Variants in ZNG1F observed in about 807,000 individuals in gnomAD.
ZNG1F encodes Zn regulated GTPase metalloprotein activator 1F.
the ZNG1F span, chr9:41,131,980 A>T: frequency 1.8e-6 from 1 of 562,406 alleles, no homozygotes; most frequent in African/African-American, 2.0e-5. Flanking sequence ...TTCCATCTTT[A>T]ACTTTCCAGG....
At chr9:41,150,437 G>A in the ZNG1F span, among the ~76,000 whole-genome samples, 2 of 133,394 alleles carry the variant, frequency 1.5e-5, no homozygotes, top group African/African-American at 2.8e-5. Flanking sequence ...GGTAAACAAA[G>A]CAGCCAGGAA....
the ZNG1F span, chr9:41,145,912 G>A: frequency 4.2e-5 from 5 of 119,544 alleles, no homozygotes; most frequent in Non-Finnish European, 5.3e-5. Context: ...AGCACAAGAA[G>A]ATCAACATGG....
the ZNG1F span, among the ~76,000 whole-genome samples, chr9:41,205,085 G>A: frequency 1.1e-4 from 15 of 131,652 alleles, no homozygotes; most frequent in African/African-American, 4.2e-4. Flanking sequence ...GGAAATTGTT[G>A]CCCTTTATGT....
the ZNG1F span, among the ~76,000 whole-genome samples, chr9:41,169,354 G>C: frequency 6.6e-6 from 1 of 150,652 alleles, no homozygotes; most frequent in Non-Finnish European, 1.5e-5. Flanking sequence ...GGAAAGTTTG[G>C]CATTCTATTC....
chr9:41,183,554 C>T, the ZNG1F span: 1 of 1,587,222 alleles, frequency 6.3e-7, no homozygotes, highest in South Asian at 1.1e-5. Flanking sequence ...ACAGTAAACA[C>T]ATTCCTCACT....
the ZNG1F span, among the ~76,000 whole-genome samples, chr9:41,160,430 G>T: frequency 0.59 from 10,123 of 17,272 alleles, 3,844 homozygotes; most frequent in South Asian, 0.87. Context: ...TTGTTTGTTT[G>T]TTTTTTTTTT....
the ZNG1F span, among the ~76,000 whole-genome samples, chr9:41,159,128 G>T: frequency 5.3e-5 from 8 of 150,702 alleles, no homozygotes; most frequent in Non-Finnish European, 1.0e-4. Flanking sequence ...GCTCTCCTCG[G>T]TGGGGGTGGA....
At chr9:41,156,212 A>T in the ZNG1F span, among the ~76,000 whole-genome samples, 1 of 117,968 alleles carries the variant, frequency 8.5e-6, no homozygotes, top group Non-Finnish European at 1.7e-5. Context: ...TATGATTTCC[A>T]AACAACCAAT....
chr9:41,171,436 G>GA, the ZNG1F span, among the ~76,000 whole-genome samples: 2,441 of 60,590 alleles, frequency 0.04, 17 homozygotes, highest in South Asian at 0.088. Flanking sequence ...AAAGATTTGG[G>GA]AAAAAAAAGC....
the ZNG1F span, among the ~76,000 whole-genome samples, chr9:41,134,844 CAT>C: frequency 7.5e-6 from 1 of 132,512 alleles, no homozygotes; most frequent in Non-Finnish European, 1.6e-5. Flanking sequence ...TAGGCAGAAA[CAT>C]ATGAGACATT....
the ZNG1F span, among the ~76,000 whole-genome samples, chr9:41,149,966 G>A: frequency 7.4e-6 from 1 of 135,668 alleles, no homozygotes; most frequent in Non-Finnish European, 1.6e-5. Context: ...GAGGAGAGAG[G>A]AGCCAAGATG....
the ZNG1F span, among the ~76,000 whole-genome samples, chr9:41,178,843 G>A: frequency 8.6e-6 from 1 of 116,732 alleles, no homozygotes; most frequent in Non-Finnish European, 1.8e-5. Context: ...TGAGATTACA[G>A]GCATGAGCCA....
chr9:41,165,108 A>C, the ZNG1F span: 5 of 1,557,014 alleles, frequency 3.2e-6, no homozygotes, highest in Non-Finnish European at 3.5e-6. Flanking sequence ...AAACAAAAAG[A>C]AATGTTAAGA....
chr9:41,139,508 G>A, the ZNG1F span, among the ~76,000 whole-genome samples: 1 of 148,952 alleles, frequency 6.7e-6, no homozygotes, highest in Non-Finnish European at 1.5e-5. Context: ...AGTATGGAAA[G>A]GAACAGGTGA....
At chr9:41,146,146 C>G in the ZNG1F span, among the ~76,000 whole-genome samples, 5 of 146,242 alleles carry the variant, frequency 3.4e-5, no homozygotes, top group Non-Finnish European at 6.0e-5. Flanking sequence ...AAATTAAATC[C>G]TTCCCAGCTG....
chr9:41,155,248 GA>G, the ZNG1F span, among the ~76,000 whole-genome samples: 1 of 150,540 alleles, frequency 6.6e-6, no homozygotes, highest in Admixed American at 6.7e-5. Flanking sequence ...AAAAACACAT[GA>G]AAAAATGCTC....
the ZNG1F span, chr9:41,183,533 A>C: frequency 6.5e-7 from 1 of 1,540,372 alleles, no homozygotes; most frequent in Non-Finnish European, 8.8e-7. Context: ...CATTTCTAGT[A>C]AACCATGTAC....
the ZNG1F span, among the ~76,000 whole-genome samples, chr9:41,184,214 G>A: frequency 5.4e-5 from 8 of 148,922 alleles, no homozygotes; most frequent in Admixed American, 1.4e-4. Context: ...CAAGGCGGGC[G>A]GATAACGAGG....
the ZNG1F span, among the ~76,000 whole-genome samples, chr9:41,146,466 G>A: frequency 4.1e-5 from 1 of 24,662 alleles, no homozygotes; most frequent in African/African-American, 8.1e-5. Context: ...ATAAGTCTCA[G>A]AATTTCATGC....
Sources: allele counts gnomAD v4.1 joint callset (sites outside exome capture counted in the v4.1 genomes callset), GRCh38; gene constraint gnomAD v4.1.1; transcripts MANE v1.5; gene names NCBI Gene and HGNC (gene_info 2026-07-23, HGNC 2026-07-21).